BBS9: variants seen among roughly 807,000 people sequenced by gnomAD.
BBS9 encodes Bardet-Biedl syndrome 9.
BBS9 carries 89 observed loss-of-function variants against 117.7 expected under a neutral mutation model. The observed-to-expected ratio is 0.76, with a 90% confidence interval of 0.64 to 0.90. The LOEUF (loss-of-function observed/expected upper bound fraction) is 0.90, where lower values mean the gene tolerates loss of function less well. BBS9 is among the 40% of genes least tolerant of loss of function. BBS9 has a pLI of 0.00. For synonymous variants in BBS9, 379 were observed against 370.9 expected, an observed-to-expected ratio of 1.02 and a Z score of -0.25; for missense variants, 982 against 1,042.2, an observed-to-expected ratio of 0.94 and a Z score of 0.80.
chr7:33,380,824 G>C (rs1332751508), intron 17 of BBS9: 2 of 152,604 alleles, frequency 1.3e-5, no homozygotes, highest in Non-Finnish European at 2.9e-5. Context: ...CAGTGTTCTG[G>C]GAGATCACAA....
At chr7:33,346,635 T>G (rs1330898729) in intron 12 of BBS9, among the ~76,000 whole-genome samples, 1 of 152,190 alleles carries the variant, frequency 6.6e-6, no homozygotes, top group African/African-American at 2.4e-5. Context: ...TCATTACCTA[T>G]CTCCTTGATT....
intron 21 of BBS9, among the ~76,000 whole-genome samples, chr7:33,614,510 G>C (rs1033658411): frequency 6.6e-6 from 1 of 152,070 alleles, no homozygotes; most frequent in African/African-American, 2.4e-5. Flanking sequence ...CTTCTTATCT[G>C]TCAGAGAAGT....
chr7:33,146,016 A>C (rs1792285056), intron 1 of BBS9, among the ~76,000 whole-genome samples: 1 of 152,246 alleles, frequency 6.6e-6, no homozygotes, highest in South Asian at 2.1e-4. Context: ...GAATTAGCAC[A>C]ACATAAATGT....
chr7:33,317,941 A>G (rs756254213), intron 9 of BBS9, among the ~76,000 whole-genome samples: 3 of 152,198 alleles, frequency 2.0e-5, no homozygotes, highest in Non-Finnish European at 2.9e-5. Context: ...AATTCCAGCT[A>G]CTTGCGAGGC....
intron 19 of BBS9, among the ~76,000 whole-genome samples, chr7:33,411,075 C>G (rs904026676): frequency 7.2e-6 from 1 of 138,370 alleles, no homozygotes; most frequent in East Asian, 2.2e-4. Context: ...TATATGCATA[C>G]GGGAATAATT....
chr7:33,236,256 G>T (rs973358437), intron 5 of BBS9, among the ~76,000 whole-genome samples: 2 of 147,874 alleles, frequency 1.4e-5, no homozygotes, highest in Non-Finnish European at 3.0e-5. Flanking sequence ...AACCCAGGAG[G>T]CAGAGGCTGC....
At chr7:33,380,379 C>T (rs1159346247) in intron 17 of BBS9, 1 of 156,882 alleles carries the variant, frequency 6.4e-6, no homozygotes, top group Non-Finnish European at 1.4e-5. Context: ...GAGACATGCC[C>T]TCACCTTGGA....
At chr7:33,530,522 C>T (rs1460212433) in intron 20 of BBS9, among the ~76,000 whole-genome samples, 1 of 152,068 alleles carries the variant, frequency 6.6e-6, no homozygotes, top group Admixed American at 6.5e-5. Context: ...TTTTTTTCTT[C>T]TTTACTCCAG....
chr7:33,222,186 C>G (rs1790375959), intron 5 of BBS9, among the ~76,000 whole-genome samples: 1 of 152,164 alleles, frequency 6.6e-6, no homozygotes, highest in African/African-American at 2.4e-5. Context: ...AAGTCTCAAG[C>G]ATGTGACTGT....
chr7:33,333,477 T>A (rs1368698016), intron 9 of BBS9, among the ~76,000 whole-genome samples: 1 of 152,186 alleles, frequency 6.6e-6, no homozygotes, highest in African/African-American at 2.4e-5. Flanking sequence ...GTTGGTTTCA[T>A]ATCTTTGCAA....
intron 5 of BBS9, among the ~76,000 whole-genome samples, chr7:33,225,726 G>T: frequency 7.2e-6 from 1 of 138,388 alleles, no homozygotes. Context: ...TGTGGGAAAT[G>T]GCATTTGAAG....
At position 33,505,664 on chromosome 7, in the gene BBS9, G is replaced by C; in HGVS notation, c.2298+19G>C. ...AGAATTGGTAAGGACCTGAAAGCCTGTGGTGGGAACAGCCAGCATTATTGA... is the reference window on the plus strand; with the variant it reads ...AGAATTGGTAAGGACCTGAAAGCCTCTGGTGGGAACAGCCAGCATTATTGA... On this transcript the variant is annotated intron_variant, in intron 20 of 22. Transcript: ENST00000242067. 6.2e-7 allele frequency: 1 copy of C among 1,611,808 alleles called. No homozygotes were observed. The highest frequency in any genetic ancestry group is 8.5e-7 in the Non-Finnish European group (1 of 1,179,674).
rs1245096619 is a variant in BBS9, at chr7:33,492,211, AAACAAAAAAAAAAC to A, written c.2116-13249_2116-13236del. Among the ~76,000 whole-genome samples the A allele has an allele frequency of 3.6e-4, 53 of 145,358 alleles. 1 individual carries two copies. Among genetic ancestry groups the A allele is most frequent in the African/African-American group, 1.4e-3 (50 of 36,950 alleles). ...AAGCAAGATTCCACCTCGAAAAAAA[AAACAAAAAAAAAAC>A]AAAAAAAAAACTTGGTTGAGTGTTT... On this transcript the variant is annotated intron_variant, in intron 19 of 22. Coordinates refer to ENST00000242067, the MANE Select transcript of BBS9 (RefSeq NM_198428.3).
intron 21 of BBS9, among the ~76,000 whole-genome samples, chr7:33,563,467 C>G (rs2129120494): frequency 6.6e-6 from 1 of 152,282 alleles, no homozygotes; most frequent in Middle Eastern, 3.4e-3. Flanking sequence ...TCTATTTGAG[C>G]TATTTCTGAT....
chr7:33,467,828 G>A (rs1184775763), intron 19 of BBS9, among the ~76,000 whole-genome samples: 1 of 145,472 alleles, frequency 6.9e-6, no homozygotes, highest in Non-Finnish European at 1.5e-5. Flanking sequence ...ACACTGGTGA[G>A]GAGAAAATGT....
At chr7:33,161,582 C>T (rs778897001) in intron 4 of BBS9, among the ~76,000 whole-genome samples, 6 of 152,134 alleles carry the variant, frequency 3.9e-5, no homozygotes, top group Non-Finnish European at 5.9e-5. Context: ...AAAAAACATA[C>T]GTATACATGT....
At chr7:33,431,238 T>G (rs939785465) in intron 19 of BBS9, among the ~76,000 whole-genome samples, 9 of 151,618 alleles carry the variant, frequency 5.9e-5, no homozygotes, top group African/African-American at 2.2e-4. Context: ...ACTGGTTACC[T>G]AAGAAAGCTG....
intron 21 of BBS9, among the ~76,000 whole-genome samples, chr7:33,579,385 G>A (rs1464361791): frequency 6.6e-6 from 1 of 152,048 alleles, no homozygotes; most frequent in Non-Finnish European, 1.5e-5. Context: ...ACTGTCTCAA[G>A]TTGGTCTTAT....
intron 21 of BBS9, among the ~76,000 whole-genome samples, chr7:33,613,381 G>A (rs1462931798): frequency 6.6e-6 from 1 of 151,984 alleles, no homozygotes; most frequent in Non-Finnish European, 1.5e-5. Context: ...TGAAATTCCT[G>A]TAGTGCTCTT....
Sources: gnomAD v4.1 joint callset for allele counts (sites outside exome capture counted in the v4.1 genomes callset) on GRCh38, gnomAD v4.1.1 for gene constraint, MANE v1.5 for transcripts, NCBI Gene and HGNC (gene_info 2026-07-23, HGNC 2026-07-21) for gene names.